Variants in SHROOM3 observed in about 807,000 individuals in gnomAD.
SHROOM3 encodes protein Shroom3.
SHROOM3 carries 47 observed loss-of-function variants against 138.6 expected under a neutral mutation model. The ratio of observed to expected loss-of-function variants is 0.34; its 90% CI spans 0.27 to 0.43. The LOEUF is 0.43. Among genes scored for constraint, SHROOM3 ranks in the 20% least tolerant of loss-of-function variants. The pLI is 1.00. For missense variants in SHROOM3, 2,491 were observed against 2,596.5 expected, an observed-to-expected ratio of 0.96 and a Z score of 0.88; for synonymous variants, 1,062 against 1,063.3, an observed-to-expected ratio of 1.00 and a Z score of 0.02.
chr4:76,556,147 T>C (rs1733479865), intron 2 of SHROOM3, among the ~76,000 whole-genome samples: 1 of 152,108 alleles, frequency 6.6e-6, no homozygotes, highest in Non-Finnish European at 1.5e-5. Flanking sequence ...AGTGGCATTT[T>C]GGGAACCACA....
At chr4:76,474,160 G>A (rs951982558) in intron 1 of SHROOM3, among the ~76,000 whole-genome samples, 4 of 152,138 alleles carry the variant, frequency 2.6e-5, no homozygotes, top group South Asian at 2.1e-4. Flanking sequence ...ACATTAAAAC[G>A]TTATGCTATG....
chr4:76,561,757 CCCAG>C (rs1412700350), intron 2 of SHROOM3, among the ~76,000 whole-genome samples: 34 of 151,286 alleles, frequency 2.2e-4, no homozygotes, highest in Non-Finnish European at 4.3e-4. Context: ...CGTCTGTAAT[CCCAG>C]CACTTTGGAA....
At chr4:76,595,177 T>G (rs1320637323) in intron 2 of SHROOM3, among the ~76,000 whole-genome samples, 1 of 152,234 alleles carries the variant, frequency 6.6e-6, no homozygotes, top group African/African-American at 2.4e-5. Context: ...TATAAAGCAC[T>G]TGGAACACTG....
chr4:76,762,272 C>G (rs1299840246), intron 9 of SHROOM3, among the ~76,000 whole-genome samples: 2 of 152,132 alleles, frequency 1.3e-5, no homozygotes, highest in Non-Finnish European at 2.9e-5. Flanking sequence ...CATATAATAT[C>G]TTAACAGAGA....
chr4:76,473,031 A>T (rs1731411450), intron 1 of SHROOM3, among the ~76,000 whole-genome samples: 1 of 152,210 alleles, frequency 6.6e-6, no homozygotes, highest in African/African-American at 2.4e-5. Flanking sequence ...AGCACAAGCA[A>T]CCAGCATATG....
intron 1 of SHROOM3, among the ~76,000 whole-genome samples, chr4:76,479,828 A>T (rs1360997488): frequency 1.3e-5 from 2 of 152,212 alleles, no homozygotes; most frequent in Non-Finnish European, 2.9e-5. Context: ...GCCAATATTC[A>T]ACATTCTTAA....
At chr4:76,726,960 A>C (rs895273135) in intron 3 of SHROOM3, among the ~76,000 whole-genome samples, 1 of 152,156 alleles carries the variant, frequency 6.6e-6, no homozygotes, top group Non-Finnish European at 1.5e-5. Flanking sequence ...TGATGATGCC[A>C]CTGAAGAGCC....
chr4:76,701,136 G>A (rs944531688), intron 2 of SHROOM3, among the ~76,000 whole-genome samples: 2 of 152,140 alleles, frequency 1.3e-5, no homozygotes, highest in Non-Finnish European at 2.9e-5. Flanking sequence ...TGTGACCGGC[G>A]CTAGAAAGTT....
chr4:76,473,274 A>G (rs1731417295), intron 1 of SHROOM3, among the ~76,000 whole-genome samples: 1 of 152,202 alleles, frequency 6.6e-6, no homozygotes, highest in African/African-American at 2.4e-5. Context: ...CTATCTGATA[A>G]GAGTCTGGTA....
chr4:76,737,430 A>G (rs1721106028), intron 4 of SHROOM3, among the ~76,000 whole-genome samples: 1 of 152,196 alleles, frequency 6.6e-6, no homozygotes, highest in African/African-American at 2.4e-5. Context: ...TTTCAGTTCC[A>G]GTGGATAAAT....
chr4:76,455,361 C>T (rs1219699916), intron 1 of SHROOM3, among the ~76,000 whole-genome samples: 1 of 151,636 alleles, frequency 6.6e-6, no homozygotes, highest in African/African-American at 2.4e-5. Context: ...CGTATTTATA[C>T]ATAAATATAA....
intron 2 of SHROOM3, among the ~76,000 whole-genome samples, chr4:76,656,246 C>T (rs1469733925): frequency 6.6e-6 from 1 of 152,170 alleles, no homozygotes; most frequent in Non-Finnish European, 1.5e-5. Flanking sequence ...CTTTCCATCC[C>T]ATAGTATAAG....
At chr4:76,730,073 C>T (rs1219717036) in intron 3 of SHROOM3, among the ~76,000 whole-genome samples, 1 of 152,230 alleles carries the variant, frequency 6.6e-6, no homozygotes, top group Non-Finnish European at 1.5e-5. Context: ...CTCTGACTTT[C>T]TATAGTCCTT....
rs1721170229 is a variant in SHROOM3, at chr4:76,739,208, T to C, written c.1035T>C (p.Asp345=). Residue 345 remains aspartate (D), a synonymous_variant, in exon 5 of 11, where the codon GAT becomes GAC. Transcript: ENST00000296043. ...ARASANGQGY[D]KWSNIPRGKG... ...CCTCAGCAAATGGTCAGGGCTATGATAAATGGTCTAATATTCCTCGGGGCA... is the reference window on the plus strand; with the variant it reads ...CCTCAGCAAATGGTCAGGGCTATGACAAATGGTCTAATATTCCTCGGGGCA... 6.2e-7 allele frequency: 1 copy of C among 1,614,110 alleles called. No homozygotes were observed. Among genetic ancestry groups the C allele is most frequent in the Middle Eastern group, 1.6e-4 (1 of 6,062 alleles).
chr4:76,471,986 A>G (rs1271731050), intron 1 of SHROOM3, among the ~76,000 whole-genome samples: 1 of 152,152 alleles, frequency 6.6e-6, no homozygotes, highest in East Asian at 1.9e-4. Flanking sequence ...TACCCTCAGT[A>G]AGTCTAGTGC....
At chr4:76,717,048 A>G (rs1720395152) in intron 3 of SHROOM3, among the ~76,000 whole-genome samples, 1 of 152,218 alleles carries the variant, frequency 6.6e-6, no homozygotes, top group South Asian at 2.1e-4. Context: ...TGTTTACCTG[A>G]GAAAGACTTT....
intron 2 of SHROOM3, among the ~76,000 whole-genome samples, chr4:76,633,332 C>CAAAAAAAAAAA (rs56002974): frequency 9.5e-5 from 8 of 83,850 alleles, no homozygotes; most frequent in Non-Finnish European, 1.2e-4. Flanking sequence ...GACTCAGTCT[C>CAAAAAAAAAAA]AAAAAAAAAA....
chr4:76,494,605 C>T (rs1314317649), intron 1 of SHROOM3, among the ~76,000 whole-genome samples: 1 of 152,192 alleles, frequency 6.6e-6, no homozygotes, highest in Admixed American at 6.5e-5. Context: ...CTGATACTGA[C>T]ACATGTGTGG....
chr4:76,512,158 A>G (rs1732350919), intron 1 of SHROOM3, among the ~76,000 whole-genome samples: 1 of 152,192 alleles, frequency 6.6e-6, no homozygotes, highest in South Asian at 2.1e-4. Flanking sequence ...CCAAAGGTCA[A>G]GTTAAAGGAT....
Sources: allele counts gnomAD v4.1 joint callset (sites outside exome capture counted in the v4.1 genomes callset), GRCh38; gene constraint gnomAD v4.1.1; transcripts MANE v1.5; gene names NCBI Gene and HGNC (gene_info 2026-07-23, HGNC 2026-07-21).